Variants in MAST2 observed in about 807,000 individuals in gnomAD.
MAST2 encodes microtubule associated serine/threonine kinase 2.
A neutral mutation model predicts 147.4 loss-of-function variants in MAST2; 70 were observed. The observed-to-expected ratio is 0.47, with a 90% CI of 0.39 to 0.58. The LOEUF (loss-of-function observed/expected upper bound fraction) is 0.58, where lower values mean the gene tolerates loss of function less well. Ranked by LOEUF, MAST2 falls within the 20% of genes least tolerant of loss-of-function variation. The pLI, the probability that MAST2 is intolerant of heterozygous loss-of-function variation, is 0.00. For synonymous variants in MAST2, 869 were observed against 896.8 expected, an observed-to-expected ratio of 0.97 and a Z score of 0.55; for missense variants, 2,080 against 2,302.3, an observed-to-expected ratio of 0.90 and a Z score of 1.98.
intron 4 of MAST2, among the ~76,000 whole-genome samples, chr1:45,933,683 G>A (rs1394566409): frequency 6.6e-6 from 1 of 151,946 alleles, no homozygotes; most frequent in Non-Finnish European, 1.5e-5. Flanking sequence ...GAACCTGGGA[G>A]GCGGAGGTTG....
intron 3 of MAST2, among the ~76,000 whole-genome samples, chr1:45,871,384 C>T (rs942463954): frequency 6.6e-6 from 1 of 152,096 alleles, no homozygotes; most frequent in African/African-American, 2.4e-5. Context: ...GCCATGTAAT[C>T]AAACTGAACT....
At chr1:45,806,288 T>C (rs1161722601) in intron 1 of MAST2, among the ~76,000 whole-genome samples, 1 of 152,268 alleles carries the variant, frequency 6.6e-6, no homozygotes, top group Non-Finnish European at 1.5e-5. Context: ...TGTGACCAGA[T>C]TCTTTCATTC....
intron 4 of MAST2, among the ~76,000 whole-genome samples, chr1:45,889,557 C>T (rs78237694): frequency 6.6e-6 from 1 of 152,158 alleles, no homozygotes; most frequent in African/African-American, 2.4e-5. Flanking sequence ...ATATTTTTCT[C>T]CATGTTTTAC....
chr1:45,934,401 G>A (rs762602436), intron 4 of MAST2, among the ~76,000 whole-genome samples: 5 of 152,048 alleles, frequency 3.3e-5, no homozygotes, highest in Non-Finnish European at 5.9e-5. Flanking sequence ...CAGGAGAATG[G>A]CCTGAACCCA....
chr1:45,922,762 G>C (rs888054941), intron 4 of MAST2, among the ~76,000 whole-genome samples: 1 of 152,152 alleles, frequency 6.6e-6, no homozygotes, highest in South Asian at 2.1e-4. Flanking sequence ...CTCGGAAGGG[G>C]TGGGGCTCCC....
chr1:45,839,129 ATTTTT>A (rs370950575), intron 3 of MAST2, among the ~76,000 whole-genome samples: 1 of 127,608 alleles, frequency 7.8e-6, no homozygotes, highest in African/African-American at 3.1e-5. Context: ...ACCATCACAA[ATTTTT>A]TTTTTTTTTT....
intron 22 of MAST2, 112 bp from the exon 23 acceptor site, chr1:46,030,895 G>GA (rs2149334731): frequency 6.8e-7 from 1 of 1,474,780 alleles, no homozygotes; most frequent in South Asian, 1.4e-5. Context: ...GCTCCTGGAG[G>GA]AATGTCTGCG....
intron 4 of MAST2, among the ~76,000 whole-genome samples, chr1:45,943,915 T>C (rs1232191933): frequency 1.3e-5 from 2 of 152,200 alleles, no homozygotes; most frequent in Non-Finnish European, 2.9e-5. Context: ...TAACAACCTA[T>C]ATAAGCAAGC....
At position 45,863,053 on chromosome 1, in the gene MAST2, G is replaced by A. The variant is rs184671273; in HGVS notation, c.469-19311G>A. On this transcript the variant is annotated intron_variant, in intron 3 of 28. Coordinates refer to ENST00000361297, the MANE Select transcript of MAST2 (RefSeq NM_015112.3). ...TAGTTTATGGTTAATGTTGATTTTG[G>A]TAATCTTTCCTCATCCCTATCTCAG... Among the ~76,000 whole-genome samples the A allele has an allele frequency of 9.9e-5, 15 of 151,812 alleles. No homozygotes were observed. The East Asian group carries it at 2.7e-3, about 27-fold the overall frequency.
intron 2 of MAST2, among the ~76,000 whole-genome samples, chr1:45,827,597 G>T (rs909163716): frequency 3.9e-5 from 6 of 152,120 alleles, no homozygotes; most frequent in African/African-American, 1.4e-4. Context: ...AGGAAAGAAG[G>T]CAGGCAGGCT....
At chr1:45,907,884 G>T (rs537905276) in intron 4 of MAST2, among the ~76,000 whole-genome samples, 7 of 152,074 alleles carry the variant, frequency 4.6e-5, no homozygotes, top group Non-Finnish European at 7.4e-5. Flanking sequence ...GTCAGTTTTG[G>T]TAAGTTATTT....
chr1:45,918,627 A>G lies in MAST2; in HGVS notation c.500+36232A>G, dbSNP rs547227659. 1.5e-4 allele frequency among the ~76,000 whole-genome samples: 23 copies of G among 152,200 alleles called. No individual in the cohort carries two copies. The East Asian group carries it at 3.7e-3, about 24-fold the overall frequency. On this transcript the variant is annotated intron_variant, in intron 4 of 28. Coordinates refer to ENST00000361297, the MANE Select transcript of MAST2 (RefSeq NM_015112.3). ...TAATGTTTGTATTTTTGGTAGAGAC[A>G]GGGTTTCACCATATTGACCAGGCTG... is the stretch of plus-strand genomic sequence containing the variant.
chr1:45,970,688 A>AAAAAAAAAC, intron 5 of MAST2, among the ~76,000 whole-genome samples: 1 of 150,732 alleles, frequency 6.6e-6, no homozygotes, highest in Non-Finnish European at 1.5e-5. Context: ...AAAAAAAAAA[A>AAAAAAAAAC]AGAATTTCTG....
chr1:45,908,305 A>G (rs1023538143), intron 4 of MAST2, among the ~76,000 whole-genome samples: 3 of 152,194 alleles, frequency 2.0e-5, no homozygotes, highest in Non-Finnish European at 1.5e-5. Context: ...CCATCAACCC[A>G]TAATCTACAT....
intron 4 of MAST2, among the ~76,000 whole-genome samples, chr1:45,901,240 C>A (rs944262340): frequency 1.8e-4 from 28 of 152,188 alleles, no homozygotes; most frequent in Non-Finnish European, 3.7e-4. Context: ...TTTCCCAGCA[C>A]CATTCATTGA....
intron 3 of MAST2, chr1:45,846,932 TAATC>T (rs1256560170): frequency 4.1e-6 from 1 of 243,006 alleles, no homozygotes; most frequent in Non-Finnish European, 8.4e-6. Flanking sequence ...TTATGTACCA[TAATC>T]AATGAATATA....
At chr1:45,945,282 C>G (rs1446318606) in intron 4 of MAST2, among the ~76,000 whole-genome samples, 1 of 152,096 alleles carries the variant, frequency 6.6e-6, no homozygotes, top group Non-Finnish European at 1.5e-5. Flanking sequence ...GCCTAGGTGA[C>G]AGAGTGAAAC....
At chr1:45,917,955 T>C (rs1249799261) in intron 4 of MAST2, among the ~76,000 whole-genome samples, 1 of 152,242 alleles carries the variant, frequency 6.6e-6, no homozygotes, top group Non-Finnish European at 1.5e-5. Context: ...TCTGTCTTCC[T>C]TTTCTTATAT....
At chr1:45,965,493 T>A (rs1036072743) in intron 5 of MAST2, among the ~76,000 whole-genome samples, 3 of 152,164 alleles carry the variant, frequency 2.0e-5, no homozygotes, top group Admixed American at 6.5e-5. Flanking sequence ...CTTCTTTGTC[T>A]CTCTTGATCT....
Sources: allele counts gnomAD v4.1 joint callset (sites outside exome capture counted in the v4.1 genomes callset), GRCh38; gene constraint gnomAD v4.1.1; transcripts MANE v1.5; gene names NCBI Gene and HGNC (gene_info 2026-07-23, HGNC 2026-07-21).